Variants in LRRC4C observed in about 807,000 individuals in gnomAD.
The protein encoded by LRRC4C is leucine-rich repeat-containing protein 4C.
In LRRC4C, 5 loss-of-function variants were observed where a neutral mutation model predicts 33.6. The observed-to-expected ratio is 0.15, with a 90% CI of 0.08 to 0.31. The LOEUF is 0.31. Among genes scored for constraint, LRRC4C ranks in the 10% least tolerant of loss-of-function variants. The pLI is 1.00. For synonymous variants in LRRC4C, 329 were observed against 302.0 expected (o/e 1.09, Z -0.93); for missense variants, 560 against 796.7 (o/e 0.70, Z 3.58).
At chr11:40,275,381 G>T (rs561688303) in intron 4 of LRRC4C, among the ~76,000 whole-genome samples, 3 of 152,222 alleles carry the variant, frequency 2.0e-5, no homozygotes, top group African/African-American at 7.2e-5. Flanking sequence ...GCTGGAAAAA[G>T]AAACATCTTG....
chr11:40,246,558 T>C (rs1487556291), intron 4 of LRRC4C, among the ~76,000 whole-genome samples: 1 of 152,164 alleles, frequency 6.6e-6, no homozygotes, highest in Non-Finnish European at 1.5e-5. Flanking sequence ...GGCAGAAATA[T>C]GAACAGAAGC....
chr11:40,325,952 T>C lies in LRRC4C; in HGVS notation c.-269-6231A>G, dbSNP rs190852034. 1.2e-3 allele frequency among the ~76,000 whole-genome samples: 188 copies of C among 151,892 alleles called. 1 individual carries two copies. The highest frequency in any genetic ancestry group is 4.3e-3 in the African/African-American group (176 of 41,396). On this transcript the variant is annotated intron_variant, in intron 3 of 6. Coordinates refer to ENST00000528697, the MANE Select transcript of LRRC4C (RefSeq NM_001258419.2). The stretch of plus-strand genomic sequence containing the variant: ...GCATGTATCTTTAAGTTAGGGATGA[T>C]ACTCAAAGCTTGATCTGTAACTGGT...
At chr11:41,188,322 C>G (rs1167751739) in intron 1 of LRRC4C, among the ~76,000 whole-genome samples, 1 of 152,038 alleles carries the variant, frequency 6.6e-6, no homozygotes, top group Non-Finnish European at 1.5e-5. Flanking sequence ...TATGTCTCCT[C>G]TAAGTAAGCA....
chr11:41,225,065 T>A (rs2136414952), intron 1 of LRRC4C, among the ~76,000 whole-genome samples: 1 of 152,138 alleles, frequency 6.6e-6, no homozygotes, highest in East Asian at 1.9e-4. Context: ...ATCTGTGGGA[T>A]CTACAAATCA....
intron 3 of LRRC4C, among the ~76,000 whole-genome samples, chr11:40,485,948 A>C (rs1277783540): frequency 1.3e-5 from 2 of 152,108 alleles, no homozygotes; most frequent in East Asian, 3.9e-4. Context: ...ATTGATAAGA[A>C]CACATGGACA....
At chr11:40,253,224 G>T (rs1866924250) in intron 4 of LRRC4C, among the ~76,000 whole-genome samples, 1 of 152,100 alleles carries the variant, frequency 6.6e-6, no homozygotes, top group African/African-American at 2.4e-5. Flanking sequence ...AATTTAATAA[G>T]ACTTGTAAAA....
chr11:40,498,748 T>C (rs1319709319), intron 3 of LRRC4C, among the ~76,000 whole-genome samples: 1 of 152,202 alleles, frequency 6.6e-6, no homozygotes, highest in Non-Finnish European at 1.5e-5. Context: ...GATGCTTAAG[T>C]CCCTCAGGAA....
chr11:40,690,881 A>C (rs1023810433), intron 2 of LRRC4C, among the ~76,000 whole-genome samples: 4 of 152,146 alleles, frequency 2.6e-5, no homozygotes, highest in Admixed American at 2.0e-4. Context: ...CAAACCATAA[A>C]AACTTAAAAG....
chr11:41,328,758 G>C (rs1951202609), intron 1 of LRRC4C, among the ~76,000 whole-genome samples: 1 of 152,178 alleles, frequency 6.6e-6, no homozygotes, highest in Admixed American at 6.5e-5. Flanking sequence ...TCTCAGATCT[G>C]TCTTCTTCCC....
At chr11:41,136,652 G>A (rs1005269654) in intron 1 of LRRC4C, among the ~76,000 whole-genome samples, 6 of 152,092 alleles carry the variant, frequency 3.9e-5, no homozygotes, top group African/African-American at 1.4e-4. Flanking sequence ...TTCCCACCCT[G>A]GCTTCTGGCT....
At chr11:40,186,399 A>T (rs1861404669) in intron 5 of LRRC4C, among the ~76,000 whole-genome samples, 1 of 152,178 alleles carries the variant, frequency 6.6e-6, no homozygotes, top group South Asian at 2.1e-4. Flanking sequence ...GATGGGCAAA[A>T]AATAGGACAT....
At chr11:40,565,964 A>G in intron 3 of LRRC4C, among the ~76,000 whole-genome samples, 1 of 152,058 alleles carries the variant, frequency 6.6e-6, no homozygotes, top group Non-Finnish European at 1.5e-5. Context: ...CCTCCAGTTC[A>G]CACACTAGAA....
At chr11:41,065,008 G>C (rs919370228) in intron 1 of LRRC4C, among the ~76,000 whole-genome samples, 11 of 152,176 alleles carry the variant, frequency 7.2e-5, no homozygotes, top group African/African-American at 2.2e-4. Flanking sequence ...TGAGCTGCAC[G>C]AGTTTTTTCA....
At chr11:40,764,995 A>T (rs1047059272) in intron 2 of LRRC4C, among the ~76,000 whole-genome samples, 1 of 152,144 alleles carries the variant, frequency 6.6e-6, no homozygotes, top group South Asian at 2.1e-4. Flanking sequence ...CAAACTATTA[A>T]TATATTAAAT....
At chr11:41,092,057 A>G (rs1441048429) in intron 1 of LRRC4C, among the ~76,000 whole-genome samples, 2 of 152,048 alleles carry the variant, frequency 1.3e-5, no homozygotes, top group Non-Finnish European at 2.9e-5. Context: ...TATTATCACC[A>G]TTTTCATTAT....
intron 3 of LRRC4C, among the ~76,000 whole-genome samples, chr11:40,633,934 T>G (rs945218874): frequency 4.6e-5 from 7 of 152,234 alleles, no homozygotes; most frequent in African/African-American, 1.7e-4. Flanking sequence ...ATTTAAAACT[T>G]GTAGACTAAA....
chr11:41,136,276 A>G (rs906094242), intron 1 of LRRC4C, among the ~76,000 whole-genome samples: 1 of 152,056 alleles, frequency 6.6e-6, no homozygotes, highest in African/African-American at 2.4e-5. Flanking sequence ...AGGGGGCAGG[A>G]AGTATGGGTA....
intron 1 of LRRC4C, among the ~76,000 whole-genome samples, chr11:41,004,032 T>C (rs1337636573): frequency 3.3e-5 from 5 of 152,082 alleles, no homozygotes; most frequent in Non-Finnish European, 7.4e-5. Flanking sequence ...GCCCAGTGGA[T>C]AGAAAACAGG....
At chr11:40,437,720 A>G (rs1951204218) in intron 3 of LRRC4C, among the ~76,000 whole-genome samples, 1 of 135,876 alleles carries the variant, frequency 7.4e-6, no homozygotes, top group South Asian at 2.3e-4. Flanking sequence ...TTTTCTTTTT[A>G]TGTTTTCAGA....
Sources: allele counts gnomAD v4.1 joint callset (sites outside exome capture counted in the v4.1 genomes callset), GRCh38; gene constraint gnomAD v4.1.1; transcripts MANE v1.5; gene names NCBI Gene and HGNC (gene_info 2026-07-23, HGNC 2026-07-21).